WNT9B: variants seen among roughly 807,000 people sequenced by gnomAD.
WNT9B encodes Wnt family member 9B, also known as protein Wnt-9b.
A neutral mutation model predicts 30.2 loss-of-function variants in WNT9B; 12 were observed. The ratio of observed to expected loss-of-function variants is 0.40; its 90% CI spans 0.26 to 0.64. The LOEUF is 0.64. Among genes scored for constraint, WNT9B ranks in the 30% least tolerant of loss-of-function variants. The pLI is 0.42. For missense variants in WNT9B, 442 were observed against 485.2 expected, an observed-to-expected ratio of 0.91 and a Z score of 0.84; for synonymous variants, 218 against 216.9, an observed-to-expected ratio of 1.01 and a Z score of -0.05.
intron 1 of WNT9B, among the ~76,000 whole-genome samples, chr17:46,865,348 G>C (rs1195228996): frequency 2.6e-5 from 4 of 152,196 alleles, no homozygotes; most frequent in Non-Finnish European, 5.9e-5. Flanking sequence ...GACAGGAAGT[G>C]GGGCTGTGCT....
Position 46,863,956 on chromosome 17 carries a change from C to G in WNT9B, c.78-8561C>G, listed in dbSNP as rs193017918. Reference sequence around the variant, plus strand: ...CAGCTGGGCGAAGGGTGTGGGCCATCCGTGGGGCCTGCAGGAGAACAAGTG... The same window carrying G: ...CAGCTGGGCGAAGGGTGTGGGCCATGCGTGGGGCCTGCAGGAGAACAAGTG... On this transcript the variant is annotated intron_variant, in intron 1 of 3. Coordinates refer to ENST00000290015, the MANE Select transcript of WNT9B (RefSeq NM_003396.3). Among the ~76,000 whole-genome samples the G allele has an allele frequency of 1.5e-3, 231 of 152,270 alleles. 4 individuals carry two copies. The highest frequency in any genetic ancestry group is 7.7e-3 in the East Asian group (40 of 5,184).
intron 1 of WNT9B, among the ~76,000 whole-genome samples, chr17:46,870,558 C>T (rs948479952): frequency 2.6e-5 from 4 of 152,190 alleles, no homozygotes; most frequent in Non-Finnish European, 4.4e-5. Flanking sequence ...TGTCTCTGCT[C>T]GGAGGTTTCG....
Position 46,876,457 on chromosome 17 carries a change from C to G in WNT9B, c.813C>G (p.Thr271=), listed in dbSNP as rs761724968. ...LWAPARQGSL[T]KGLAPRSGDL... The stretch of plus-strand genomic sequence containing the variant: ...CCCCTGCCAGGCAGGGCAGCCTCAC[C>G]AAAGGCCTGGCCCCAAGGTCTGGGG... The change falls in exon 4 of 4, where the codon ACC becomes ACG. Residue 271 remains threonine (T), a synonymous_variant. Transcript: ENST00000290015. The G allele has an allele frequency of 3.1e-6, 5 of 1,613,678 alleles. No individual in the cohort carries two copies. Among genetic ancestry groups the G allele is most frequent in the Non-Finnish European group, 4.2e-6 (5 of 1,180,012 alleles).
At chr17:46,851,137 C>G (rs2084836565), upstream of WNT9B, among the ~76,000 whole-genome samples, 1 of 152,162 alleles carries the variant, frequency 6.6e-6, no homozygotes. The surrounding 1 kb of genome is among the most constrained non-coding windows in gnomAD (Gnocchi z 4.3). Flanking sequence ...ACCGCACTTG[C>G]CCGGCAGGAG....
chr17:46,833,233 T>C (rs1424053478), exon 1 of WNT9B: 1 of 419,816 alleles, frequency 2.4e-6, no homozygotes, highest in Admixed American at 2.6e-5. Flanking sequence ...GCGTGGAAGC[T>C]GGGCCTGAGC....
intron 1 of WNT9B, among the ~76,000 whole-genome samples, chr17:46,866,788 A>G (rs2085146928): frequency 6.6e-6 from 1 of 152,026 alleles, no homozygotes; most frequent in Non-Finnish European, 1.5e-5. Context: ...GTCCTGTGCC[A>G]CCCACCCACC....
chr17:46,849,681 G>A (rs1286237996), upstream of WNT9B, among the ~76,000 whole-genome samples: 9 of 152,192 alleles, frequency 5.9e-5, no homozygotes, highest in Non-Finnish European at 1.3e-4. Flanking sequence ...GTGGCATGAA[G>A]TCAGCCATGA....
Position 46,878,570 on chromosome 17 carries a change from G to T in WNT9B, c.*1852G>T, listed in dbSNP as rs976027774. Among the ~76,000 whole-genome samples the T allele has an allele frequency of 5.3e-5, 8 of 152,184 alleles. No homozygotes were observed. Among genetic ancestry groups the T allele is most frequent in the Non-Finnish European group, 2.9e-5 (2 of 68,026 alleles). On this transcript the variant is annotated 3_prime_UTR_variant, in exon 4 of 4. Transcript: ENST00000290015. ...CAGGAGAAAAATGGGGAGAGGGCTG[G>T]TTTTCTCCTTTCTTCCACTTCCCCA...
At chr17:46,836,521 A>G (rs756920238) in intron 1 of WNT9B, among the ~76,000 whole-genome samples, 4 of 152,232 alleles carry the variant, frequency 2.6e-5, no homozygotes, top group Non-Finnish European at 5.9e-5. Flanking sequence ...CACATTGTAA[A>G]TGTCGATGAT....
intron 1 of WNT9B, among the ~76,000 whole-genome samples, chr17:46,844,634 C>T (rs1036484475): frequency 1.3e-5 from 2 of 152,162 alleles, no homozygotes; most frequent in Admixed American, 6.6e-5. Flanking sequence ...CCTTTCCTCT[C>T]GTCCTTCTTT....
chr17:46,865,676 C>T (rs771835000), intron 1 of WNT9B, among the ~76,000 whole-genome samples: 14 of 152,212 alleles, frequency 9.2e-5, no homozygotes, highest in African/African-American at 3.4e-4. Flanking sequence ...AGTGCGGTGG[C>T]GTGATCATGG....
At chr17:46,865,460 C>T (rs1347059680) in intron 1 of WNT9B, among the ~76,000 whole-genome samples, 1 of 151,992 alleles carries the variant, frequency 6.6e-6, no homozygotes, top group East Asian at 1.9e-4. Context: ...GAAGTGTGGC[C>T]AGATTCAGTC....
intron 1 of WNT9B, among the ~76,000 whole-genome samples, chr17:46,867,434 G>A (rs2085157948): frequency 6.6e-6 from 1 of 152,242 alleles, no homozygotes; most frequent in Non-Finnish European, 1.5e-5. Flanking sequence ...GAGCTCAGTT[G>A]GTGAGGGGAC....
At chr17:46,863,164 G>A (rs931771184) in intron 1 of WNT9B, among the ~76,000 whole-genome samples, 5 of 152,198 alleles carry the variant, frequency 3.3e-5, no homozygotes, top group South Asian at 2.1e-4. Context: ...CCCAAAGCCC[G>A]CCCAGCCCCA....
At chr17:46,864,487 CT>C (rs2085099213) in intron 1 of WNT9B, among the ~76,000 whole-genome samples, 1 of 152,154 alleles carries the variant, frequency 6.6e-6, no homozygotes, top group Non-Finnish European at 1.5e-5. Context: ...TGATTCCTGA[CT>C]TTTTGCTGAA....
At chr17:46,859,630 T>C (rs1411104616) in intron 1 of WNT9B, among the ~76,000 whole-genome samples, 3 of 152,216 alleles carry the variant, frequency 2.0e-5, no homozygotes, top group African/African-American at 7.2e-5. Flanking sequence ...GTACTATAAG[T>C]TCTCTAACTG....
chr17:46,875,613 C>T (rs557422182), intron 3 of WNT9B, among the ~76,000 whole-genome samples: 1 of 152,196 alleles, frequency 6.6e-6, no homozygotes, highest in Admixed American at 6.5e-5. Context: ...GCAGTGGTCA[C>T]CAGTGGGAGC....
At chr17:46,882,331 C>A (rs901578366), downstream of WNT9B, among the ~76,000 whole-genome samples, 1 of 152,170 alleles carries the variant, frequency 6.6e-6, no homozygotes, top group African/African-American at 2.4e-5. Flanking sequence ...CTGCATGTCT[C>A]GTGGAATACC....
At chr17:46,851,085 A>G (rs569204688), upstream of WNT9B, among the ~76,000 whole-genome samples, 49 of 152,324 alleles carry the variant, frequency 3.2e-4, no homozygotes, top group Admixed American at 2.7e-3. This position sits in a 1 kb window ranked among gnomAD's most constrained non-coding sequence, Gnocchi z 4.3. Flanking sequence ...GTTCTGCACC[A>G]GGACCCGGCC....
Sources: gnomAD v4.1 joint callset for allele counts (sites outside exome capture counted in the v4.1 genomes callset) on GRCh38, gnomAD v4.1.1 for gene constraint, Gnocchi (gnomAD v3.1) non-coding constraint, MANE v1.5 for transcripts, NCBI Gene and HGNC (gene_info 2026-07-23, HGNC 2026-07-21) for gene names.